Variants in RGS6 observed in about 807,000 individuals in gnomAD.
The protein encoded by RGS6 is regulator of G-protein signaling 6.
In RGS6, 30 loss-of-function variants were observed where a neutral mutation model predicts 78.5. That is an observed-to-expected ratio of 0.38 (90% CI 0.29 to 0.52). The LOEUF is 0.52. RGS6 is among the 20% of genes least tolerant of loss of function. The pLI is 0.85. For missense variants in RGS6, 495 were observed against 609.7 expected (o/e 0.81, Z 1.98); for synonymous variants, 206 against 206.0 (o/e 1.00, Z 0.00).
intron 2 of RGS6, among the ~76,000 whole-genome samples, chr14:72,337,722 A>G (rs1162100456): frequency 6.6e-6 from 1 of 152,204 alleles, no homozygotes; most frequent in Admixed American, 6.5e-5. Flanking sequence ...CAGGGAGACA[A>G]GCTACAAAAA....
At chr14:71,942,659 G>A (rs992684839) in intron 1 of RGS6, among the ~76,000 whole-genome samples, 4 of 152,194 alleles carry the variant, frequency 2.6e-5, no homozygotes, top group African/African-American at 9.6e-5. Context: ...CATTGAATGT[G>A]TATATTTGAT....
intron 2 of RGS6, among the ~76,000 whole-genome samples, chr14:72,073,129 GTTTC>G (rs373962267): frequency 1.6e-3 from 238 of 152,268 alleles, no homozygotes; most frequent in Non-Finnish European, 2.7e-3. Context: ...TTTTGTTAAC[GTTTC>G]TTTATGTCTT....
At chr14:72,088,567 A>G (rs1030406376) in intron 2 of RGS6, among the ~76,000 whole-genome samples, 11 of 152,174 alleles carry the variant, frequency 7.2e-5, no homozygotes, top group African/African-American at 2.2e-4. Context: ...TCGGATAACT[A>G]TGAGATTTTT....
the RGS6 span, among the ~76,000 whole-genome samples, chr14:71,918,039 G>T: frequency 2.6e-5 from 4 of 151,624 alleles, no homozygotes; most frequent in African/African-American, 7.3e-5. Context: ...AAATTAGCCG[G>T]GCGTGGTGGC....
the RGS6 span, among the ~76,000 whole-genome samples, chr14:72,588,942 C>T: frequency 2.0e-5 from 3 of 152,170 alleles, no homozygotes; most frequent in African/African-American, 7.2e-5. Flanking sequence ...TGCCAGCATG[C>T]CCCCCCAACT....
chr14:71,871,412 C>T, the RGS6 span, among the ~76,000 whole-genome samples: 6 of 152,290 alleles, frequency 3.9e-5, no homozygotes, highest in Middle Eastern at 3.4e-3. Flanking sequence ...CAAATGATTT[C>T]CATATTCTTT....
At chr14:71,878,653 C>T in the RGS6 span, among the ~76,000 whole-genome samples, 1 of 152,186 alleles carries the variant, frequency 6.6e-6, no homozygotes, top group African/African-American at 2.4e-5. Flanking sequence ...ATGCCTTGCC[C>T]TGCTTTGGCT....
At chr14:72,453,236 A>T (rs1230678356) in intron 3 of RGS6, among the ~76,000 whole-genome samples, 2 of 152,030 alleles carry the variant, frequency 1.3e-5, no homozygotes, top group African/African-American at 4.8e-5. Flanking sequence ...GGTACTAGGG[A>T]TTCTAAACAC....
At chr14:72,568,944 T>C (rs978015534), downstream of RGS6, among the ~76,000 whole-genome samples, 1 of 152,184 alleles carries the variant, frequency 6.6e-6, no homozygotes. Flanking sequence ...TCCCATTACA[T>C]CACAGGATGG....
chr14:72,614,893 C>T, the RGS6 span, among the ~76,000 whole-genome samples: 1 of 151,596 alleles, frequency 6.6e-6, no homozygotes, highest in Non-Finnish European at 1.5e-5. Context: ...ACCAGAGATC[C>T]TCACCCCTCC....
intron 2 of RGS6, among the ~76,000 whole-genome samples, chr14:72,152,255 TGTGTG>T (rs2096704717): frequency 6.6e-6 from 1 of 151,544 alleles, no homozygotes. Context: ...AGTGTGTGTG[TGTGTG>T]TGTGTGTGTG....
intron 2 of RGS6, among the ~76,000 whole-genome samples, chr14:72,088,658 C>T (rs7141640): frequency 6.6e-6 from 1 of 151,720 alleles, no homozygotes; most frequent in Non-Finnish European, 1.5e-5. Context: ...AGGCTTCAAT[C>T]AGACCAGATC....
At chr14:71,921,181 A>G in the RGS6 span, among the ~76,000 whole-genome samples, 2 of 152,234 alleles carry the variant, frequency 1.3e-5, no homozygotes, top group South Asian at 2.1e-4. Flanking sequence ...TAGAATGGCT[A>G]TCATTGAAAA....
intron 2 of RGS6, among the ~76,000 whole-genome samples, chr14:71,978,196 TGTC>T (rs2094246548): frequency 7.4e-6 from 1 of 134,408 alleles, no homozygotes; most frequent in Non-Finnish European, 1.6e-5. Context: ...TATACAATCA[TGTC>T]GTCTGCAAAC....
chr14:72,412,306 G>A (rs1400466768), intron 3 of RGS6, among the ~76,000 whole-genome samples: 2 of 152,220 alleles, frequency 1.3e-5, no homozygotes, highest in African/African-American at 4.8e-5. Flanking sequence ...GAGGGTGTAT[G>A]TGTCCAGGAA....
chr14:72,134,063 C>G (rs2153598126), intron 2 of RGS6, among the ~76,000 whole-genome samples: 1 of 152,308 alleles, frequency 6.6e-6, no homozygotes, highest in East Asian at 1.9e-4. Context: ...GCCTACTTGG[C>G]ATCCCTAGCA....
chr14:71,965,267 G>A (rs1046825363), intron 2 of RGS6, among the ~76,000 whole-genome samples: 8 of 152,208 alleles, frequency 5.3e-5, no homozygotes, highest in Non-Finnish European at 7.3e-5. Flanking sequence ...GATGCTTACA[G>A]TTGGTAGGAG....
intron 2 of RGS6, among the ~76,000 whole-genome samples, chr14:72,038,756 T>C (rs2092052520): frequency 6.6e-6 from 1 of 152,224 alleles, no homozygotes; most frequent in South Asian, 2.1e-4. Flanking sequence ...TTTTTTTACA[T>C]GTACTCTACA....
chr14:72,425,399 A>G (rs780011505), intron 3 of RGS6, among the ~76,000 whole-genome samples: 15 of 152,168 alleles, frequency 9.9e-5, no homozygotes, highest in Non-Finnish European at 1.8e-4. Flanking sequence ...TCAGCCTCCC[A>G]AAGTGCTGGG....
Sources: gnomAD v4.1 joint callset for allele counts (sites outside exome capture counted in the v4.1 genomes callset) on GRCh38, gnomAD v4.1.1 for gene constraint, MANE v1.5 for transcripts, NCBI Gene and HGNC (gene_info 2026-07-23, HGNC 2026-07-21) for gene names.